Variants in MYO1D observed in about 807,000 individuals in gnomAD.
MYO1D encodes myosin ID.
In MYO1D, 83 loss-of-function variants were observed where a neutral mutation model predicts 122.0. The observed-to-expected ratio is 0.68, with a 90% CI of 0.57 to 0.82. MYO1D has a LOEUF of 0.82. Ranked by LOEUF, MYO1D falls within the 40% of genes least tolerant of loss-of-function variation. The pLI is 0.00. For missense variants in MYO1D, 1,157 were observed against 1,269.5 expected (o/e 0.91, Z 1.35); for synonymous variants, 464 against 446.9 (o/e 1.04, Z -0.48).
intron 21 of MYO1D, among the ~76,000 whole-genome samples, chr17:32,589,394 C>T (rs188753770): frequency 1.3e-5 from 2 of 152,322 alleles, no homozygotes; most frequent in African/African-American, 4.8e-5. Flanking sequence ...CTTCTCTGAT[C>T]CAAAGCCCAA....
chr17:32,668,763 G>A (rs968673034), intron 16 of MYO1D, among the ~76,000 whole-genome samples: 15 of 151,106 alleles, frequency 9.9e-5, no homozygotes, highest in South Asian at 6.3e-4. Flanking sequence ...GTGCAGTGGC[G>A]TGATCTCGGC....
intron 19 of MYO1D, among the ~76,000 whole-genome samples, chr17:32,653,607 CAAAAAAAA>C (rs35172819): frequency 1.0e-5 from 1 of 99,994 alleles, no homozygotes; most frequent in Non-Finnish European, 2.0e-5. Flanking sequence ...ACTCCGTCTC[CAAAAAAAA>C]AAAAAAAAAA....
intron 1 of MYO1D, among the ~76,000 whole-genome samples, chr17:32,784,574 C>T (rs988571474): frequency 6.6e-6 from 1 of 151,636 alleles, no homozygotes; most frequent in Non-Finnish European, 1.5e-5. Context: ...TTAAGTGAAA[C>T]AAAGAGGTTC....
intron 21 of MYO1D, among the ~76,000 whole-genome samples, chr17:32,581,724 C>A (rs933774553): frequency 6.7e-6 from 1 of 149,986 alleles, no homozygotes; most frequent in African/African-American, 2.5e-5. Flanking sequence ...AGGTGCACAC[C>A]ATCATACCTG....
chr17:32,715,867 C>A (rs2089438335), intron 15 of MYO1D, among the ~76,000 whole-genome samples: 1 of 152,082 alleles, frequency 6.6e-6, no homozygotes. Context: ...TCTTTCCCTG[C>A]CCTATCATGA....
chr17:32,531,574 A>C (rs1259167662), intron 21 of MYO1D: 1 of 152,250 alleles, frequency 6.6e-6, no homozygotes, highest in Non-Finnish European at 1.5e-5. Context: ...TGTTGGAAAA[A>C]GATTCTATAA....
chr17:32,837,155 T>C (rs1046317390), intron 1 of MYO1D, among the ~76,000 whole-genome samples: 2 of 152,088 alleles, frequency 1.3e-5, no homozygotes, highest in African/African-American at 4.8e-5. Context: ...TATCTCATTG[T>C]AGTTTTAGCT....
chr17:32,595,980 A>T (rs2087488148), intron 21 of MYO1D, among the ~76,000 whole-genome samples: 1 of 152,128 alleles, frequency 6.6e-6, no homozygotes, highest in Non-Finnish European at 1.5e-5. Context: ...CCAGGATTGA[A>T]TCACATTTCT....
At chr17:32,618,671 G>A (rs1452536978) in intron 20 of MYO1D, among the ~76,000 whole-genome samples, 1 of 144,930 alleles carries the variant, frequency 6.9e-6, no homozygotes, top group Non-Finnish European at 1.5e-5. Flanking sequence ...ATCTTGCTCT[G>A]TTGCCCAGGC....
intron 21 of MYO1D, among the ~76,000 whole-genome samples, chr17:32,520,393 C>T (rs986210663): frequency 6.6e-5 from 10 of 152,214 alleles, no homozygotes; most frequent in African/African-American, 2.4e-4. Flanking sequence ...TATGAAGTCA[C>T]ACAAAGAGCC....
intron 1 of MYO1D, among the ~76,000 whole-genome samples, chr17:32,861,067 TC>T (rs368171866): frequency 1.0e-4 from 15 of 148,980 alleles, no homozygotes; most frequent in African/African-American, 3.3e-4. Flanking sequence ...TGGTGTTTAT[TC>T]TTTTTTTTTT....
intron 1 of MYO1D, among the ~76,000 whole-genome samples, chr17:32,796,757 G>A (rs2090420602): frequency 6.6e-6 from 1 of 152,078 alleles, no homozygotes; most frequent in Non-Finnish European, 1.5e-5. Flanking sequence ...GATGGCTGAG[G>A]ACTTTAACTA....
chr17:32,654,519 G>C lies in MYO1D; in HGVS notation c.2448C>G (p.Asp816Glu), dbSNP rs370784690. 2 of 1,614,072 alleles carry C rather than the reference G, an allele frequency of 1.2e-6. No individual in the cohort carries two copies. The highest frequency in any genetic ancestry group is 3.3e-5 in the Admixed American group (2 of 60,012). ...CCTCCCAGGCCCTCTGGAGCCCGAG[G>C]TCAGCCCTTTGACCCTTCAACATTT... ...AVEMLKGQRADLGLQRAWEGN... is the reference protein window; with the variant it reads ...AVEMLKGQRAELGLQRAWEGN... The change falls in exon 18 of 22, where the codon GAC (aspartate) becomes GAG (glutamate). Residue 816 changes from aspartate (D) to glutamate (E), a missense_variant. Transcript: ENST00000318217.
intron 21 of MYO1D, among the ~76,000 whole-genome samples, chr17:32,550,102 T>A (rs2086998347): frequency 9.8e-6 from 1 of 101,780 alleles, no homozygotes; most frequent in East Asian, 2.4e-4. Flanking sequence ...GAGCTATAAT[T>A]TTTTTTTTTT....
At chr17:32,731,951 C>T (rs538782021) in intron 14 of MYO1D, among the ~76,000 whole-genome samples, 26 of 152,374 alleles carry the variant, frequency 1.7e-4, no homozygotes, top group East Asian at 1.3e-3. Flanking sequence ...CTGCTCCCAA[C>T]GTCTGGCCTC....
chr17:32,544,034 C>T (rs1369558794), intron 21 of MYO1D, among the ~76,000 whole-genome samples: 1 of 151,946 alleles, frequency 6.6e-6, no homozygotes, highest in Admixed American at 6.5e-5. Flanking sequence ...CTCAAGTGAT[C>T]CACCCGCCTT....
At chr17:32,600,989 T>A (rs563876104) in intron 21 of MYO1D, among the ~76,000 whole-genome samples, 1 of 151,790 alleles carries the variant, frequency 6.6e-6, no homozygotes, top group South Asian at 2.1e-4. Flanking sequence ...TCTTGTTCTG[T>A]CACCCAGGTT....
chr17:32,643,527 C>A (rs1368333567), intron 19 of MYO1D, among the ~76,000 whole-genome samples: 2 of 152,140 alleles, frequency 1.3e-5, no homozygotes, highest in Non-Finnish European at 2.9e-5. Flanking sequence ...CCTCTGGTAG[C>A]ATTCAGCTGT....
intron 16 of MYO1D, among the ~76,000 whole-genome samples, chr17:32,693,654 A>AT (rs2089134398): frequency 6.6e-6 from 1 of 152,218 alleles, no homozygotes; most frequent in South Asian, 2.1e-4. Context: ...TAGTAATGAG[A>AT]TATCACCCAG....
Sources: allele counts gnomAD v4.1 joint callset (sites outside exome capture counted in the v4.1 genomes callset), GRCh38; gene constraint gnomAD v4.1.1; transcripts MANE v1.5; gene names NCBI Gene and HGNC (gene_info 2026-07-23, HGNC 2026-07-21).